NRXN1: variants seen among roughly 807,000 people sequenced by gnomAD.
NRXN1 encodes neurexin 1, also known as neurexin-1.
A neutral mutation model predicts 150.9 loss-of-function variants in NRXN1; 39 were observed. That is an observed-to-expected ratio of 0.26 (90% confidence interval 0.20 to 0.34). The LOEUF is 0.34. Ranked by LOEUF, NRXN1 falls within the 10% of genes least tolerant of loss-of-function variation. NRXN1 has a pLI of 1.00. For missense variants in NRXN1, 1,815 were observed against 1,949.9 expected (o/e 0.93, Z 1.30); for synonymous variants, 924 against 757.0 (o/e 1.22, Z -3.62).
intron 11 of NRXN1, among the ~76,000 whole-genome samples, chr2:50,529,287 G>A (rs2093037833): frequency 6.6e-6 from 1 of 152,190 alleles, no homozygotes; most frequent in Admixed American, 6.6e-5. Flanking sequence ...AAACTCCAGT[G>A]GCTAAGGAGC....
At chr2:50,422,632 A>G (rs2084088433) in intron 17 of NRXN1, among the ~76,000 whole-genome samples, 1 of 152,162 alleles carries the variant, frequency 6.6e-6, no homozygotes, top group Non-Finnish European at 1.5e-5. Context: ...ACACAGACAT[A>G]GCAGAATATT....
chr2:50,423,530 A>T (rs1485692891), intron 17 of NRXN1, among the ~76,000 whole-genome samples: 1 of 152,204 alleles, frequency 6.6e-6, no homozygotes, highest in East Asian at 1.9e-4. Context: ...AGAGAGCATC[A>T]TACCAGTTCC....
intron 19 of NRXN1, among the ~76,000 whole-genome samples, chr2:50,078,232 C>T (rs573694162): frequency 2.6e-5 from 4 of 152,094 alleles, no homozygotes; most frequent in South Asian, 2.1e-4. Flanking sequence ...AACACATGAA[C>T]ATGTCAAAAT....
At chr2:50,314,046 G>A (rs934235531) in intron 17 of NRXN1, among the ~76,000 whole-genome samples, 2 of 152,122 alleles carry the variant, frequency 1.3e-5, no homozygotes, top group Middle Eastern at 3.4e-3. Context: ...GAGTATCTGG[G>A]AACCTCAAAG....
rs766534624 is a variant in NRXN1 at position 50,373,679 on chromosome 2, A to AAGGAAGG, written c.3364+91762_3364+91763insCCTTCCT. 1.8e-3 allele frequency among the ~76,000 whole-genome samples: 115 copies of AAGGAAGG among 65,668 alleles called. 2 individuals carry two copies. Among genetic ancestry groups the AAGGAAGG allele is most frequent in the African/African-American group, 6.7e-3 (111 of 16,644 alleles). 43.1% of individuals were successfully genotyped at this position (65,668 alleles called of 152,430 possible). ...GAAAGAAAGAAAGAAAGAAAGAAAGAAAAGAAAGAAGGAAAGAAAGAAAGA... is the reference window on the plus strand; with the variant it reads ...GAAAGAAAGAAAGAAAGAAAGAAAGAAGGAAGGAAAGAAAGAAGGAAAGAAAGAAAGA... On this transcript the variant is annotated intron_variant, in intron 17 of 22. Transcript: ENST00000401669.
chr2:50,125,706 A>G (rs1177219568), intron 18 of NRXN1, among the ~76,000 whole-genome samples: 1 of 152,114 alleles, frequency 6.6e-6, no homozygotes, highest in African/African-American at 2.4e-5. Context: ...ATGAATACCA[A>G]GTTGTAGATG....
intron 2 of NRXN1, among the ~76,000 whole-genome samples, chr2:51,014,862 G>A (rs555048078): frequency 1.3e-5 from 2 of 152,176 alleles, no homozygotes; most frequent in East Asian, 3.9e-4. Flanking sequence ...CACACTGTGA[G>A]AGCCATTTAA....
chr2:50,435,350 A>G (rs978542534), intron 17 of NRXN1, among the ~76,000 whole-genome samples: 1 of 152,210 alleles, frequency 6.6e-6, no homozygotes, highest in African/African-American at 2.4e-5. Flanking sequence ...ACTATAAAAT[A>G]TATATAATTA....
rs1001332119 is a variant in NRXN1, at chr2:50,932,975, G to GA, written c.773-7021dup. 1.3e-4 allele frequency among the ~76,000 whole-genome samples: 20 copies of GA among 148,340 alleles called. 1 individual carries two copies. The highest frequency in any genetic ancestry group is 2.5e-4 in the African/African-American group (10 of 40,420). On this transcript the variant is annotated intron_variant, in intron 2 of 22. Coordinates refer to ENST00000401669, the MANE Select transcript of NRXN1 (RefSeq NM_001330078.2). Reference sequence around the variant, plus strand: ...ATACTGCTTAATTTCCTTTATTAAAGAAAAAAAAAGGCTCCCAGTCCTCTT... The same window carrying GA: ...ATACTGCTTAATTTCCTTTATTAAAGAAAAAAAAAAGGCTCCCAGTCCTCTT...
chr2:50,843,499 T>C (rs1673178607), intron 5 of NRXN1, among the ~76,000 whole-genome samples: 1 of 152,182 alleles, frequency 6.6e-6, no homozygotes, highest in Non-Finnish European at 1.5e-5. Context: ...TTTAGACTTT[T>C]CCCCTAGTAA....
intron 15 of NRXN1, among the ~76,000 whole-genome samples, chr2:50,473,537 T>G (rs551283991): frequency 2.6e-5 from 4 of 152,152 alleles, no homozygotes; most frequent in African/African-American, 9.6e-5. Context: ...ATAGCTCCAG[T>G]CTACAAGTTC....
intron 17 of NRXN1, among the ~76,000 whole-genome samples, chr2:50,382,896 C>T (rs868609543): frequency 3.3e-4 from 50 of 152,178 alleles, no homozygotes; most frequent in African/African-American, 1.1e-3. Flanking sequence ...AGGAAGACTT[C>T]TTGAGCCGCC....
At chr2:50,210,276 T>G (rs999116541) in intron 18 of NRXN1, among the ~76,000 whole-genome samples, 2 of 151,894 alleles carry the variant, frequency 1.3e-5, no homozygotes, top group Non-Finnish European at 2.9e-5. Context: ...TCGCACTGTG[T>G]TTGGTTTATT....
intron 8 of NRXN1, chr2:50,589,248 A>T (rs1673708356): frequency 6.6e-6 from 1 of 152,316 alleles, no homozygotes; most frequent in Non-Finnish European, 1.5e-5. Context: ...GGTGTTTGGT[A>T]TTGAGATATG....
intron 17 of NRXN1, among the ~76,000 whole-genome samples, chr2:50,460,401 C>T (rs2088048612): frequency 6.6e-6 from 1 of 152,070 alleles, no homozygotes; most frequent in African/African-American, 2.4e-5. Context: ...CATCAAGCTG[C>T]TCAACAGTGC....
chr2:50,407,948 C>T (rs13382330), intron 17 of NRXN1, among the ~76,000 whole-genome samples: 76,709 of 152,028 alleles, frequency 0.5, 21,158 homozygotes, highest in East Asian at 0.8. Flanking sequence ...CTCACTCATA[C>T]TATTTTAACA....
chr2:50,269,271 CTA>C (rs764009930), intron 17 of NRXN1, among the ~76,000 whole-genome samples: 2 of 152,164 alleles, frequency 1.3e-5, no homozygotes, highest in African/African-American at 2.4e-5. Context: ...GGTGTTATTT[CTA>C]TGAGTCCTTG....
At chr2:50,249,281 A>G (rs2066815800) in intron 17 of NRXN1, among the ~76,000 whole-genome samples, 1 of 152,090 alleles carries the variant, frequency 6.6e-6, no homozygotes, top group Admixed American at 6.6e-5. Flanking sequence ...AAAAAATCCT[A>G]TGAGAGATCA....
chr2:49,932,843 G>A (rs1670374114), intron 22 of NRXN1, among the ~76,000 whole-genome samples: 1 of 152,070 alleles, frequency 6.6e-6, no homozygotes, highest in Non-Finnish European at 1.5e-5. Flanking sequence ...ACACTATGTG[G>A]TGTAGGTATT....
Sources: gnomAD v4.1 joint callset for allele counts (sites outside exome capture counted in the v4.1 genomes callset) on GRCh38, gnomAD v4.1.1 for gene constraint, MANE v1.5 for transcripts, NCBI Gene and HGNC (gene_info 2026-07-23, HGNC 2026-07-21) for gene names.